The following LUZP2 variants were observed in gnomAD, a reference collection of about 807,000 sequenced individuals.
The protein encoded by LUZP2 is leucine zipper protein 2.
Under a neutral mutation model 51.6 loss-of-function variants are expected in LUZP2, and 52 were observed. The observed-to-expected ratio is 1.01, with a 90% CI of 0.81 to 1.27. LUZP2 has a LOEUF of 1.27. Ranked by LOEUF, LUZP2 falls within the 50% of genes most tolerant of loss-of-function variation. The pLI is 0.00. For missense variants in LUZP2, 436 were observed against 395.4 expected, an observed-to-expected ratio of 1.10 and a Z score of -0.87; for synonymous variants, 154 against 137.3, an observed-to-expected ratio of 1.12 and a Z score of -0.85.
intron 1 of LUZP2, among the ~76,000 whole-genome samples, chr11:24,592,034 G>A (rs1460026715): frequency 6.6e-6 from 1 of 152,164 alleles, no homozygotes. Context: ...TTGGGGAAAA[G>A]GAACTGTGCA....
intron 5 of LUZP2, among the ~76,000 whole-genome samples, chr11:24,765,139 A>G (rs1860133364): frequency 6.6e-6 from 1 of 152,222 alleles, no homozygotes; most frequent in Admixed American, 6.5e-5. Context: ...TTACTCCTTT[A>G]TATCAAATTA....
chr11:24,581,950 A>C (rs1258682126), intron 1 of LUZP2, among the ~76,000 whole-genome samples: 1 of 151,922 alleles, frequency 6.6e-6, no homozygotes, highest in African/African-American at 2.4e-5. Flanking sequence ...CTTGACTCCA[A>C]AGCCCACATT....
chr11:24,597,433 A>G (rs12293085), intron 1 of LUZP2, among the ~76,000 whole-genome samples: 2,170 of 152,276 alleles, frequency 0.014, 58 homozygotes, highest in African/African-American at 0.05. Context: ...CGTACAGCCT[A>G]TACATTCAAA....
intron 9 of LUZP2, among the ~76,000 whole-genome samples, chr11:25,026,858 AT>A (rs1456988536): frequency 1.4e-5 from 2 of 146,214 alleles, no homozygotes; most frequent in African/African-American, 5.2e-5. Flanking sequence ...TATTTTTTTT[AT>A]TTTTTTAATT....
chr11:25,014,867 G>A (rs1358779501), intron 9 of LUZP2, among the ~76,000 whole-genome samples: 1 of 121,314 alleles, frequency 8.2e-6, no homozygotes, highest in African/African-American at 2.5e-5. Flanking sequence ...TTTCTTCTAG[G>A]GTTTTTATGG....
At chr11:24,687,670 C>T (rs966563935) in intron 1 of LUZP2, among the ~76,000 whole-genome samples, 2 of 152,112 alleles carry the variant, frequency 1.3e-5, no homozygotes, top group African/African-American at 4.8e-5. Context: ...GTAATTGTGC[C>T]AGTTTAGTCT....
At chr11:24,666,069 A>T (rs1248584515) in intron 1 of LUZP2, among the ~76,000 whole-genome samples, 1 of 152,186 alleles carries the variant, frequency 6.6e-6, no homozygotes, top group Non-Finnish European at 1.5e-5. Flanking sequence ...ATTATTTACC[A>T]GAAGAATTTT....
chr11:24,997,084 T>C (rs1856525988), intron 9 of LUZP2, among the ~76,000 whole-genome samples: 1 of 150,344 alleles, frequency 6.7e-6, no homozygotes, highest in Non-Finnish European at 1.5e-5. Flanking sequence ...AACATACGTG[T>C]GCATGTGTCT....
intron 6 of LUZP2, among the ~76,000 whole-genome samples, chr11:24,913,336 A>G (rs1409705857): frequency 1.3e-5 from 2 of 152,150 alleles, no homozygotes; most frequent in Non-Finnish European, 2.9e-5. Flanking sequence ...GTTGTTCTAT[A>G]ATTCAGTACT....
intron 1 of LUZP2, among the ~76,000 whole-genome samples, chr11:24,707,203 C>T (rs1213496106): frequency 6.6e-6 from 1 of 151,760 alleles, no homozygotes; most frequent in Non-Finnish European, 1.5e-5. Flanking sequence ...ATTATGCAGC[C>T]TAAGTCACAG....
At chr11:24,526,840 C>T (rs975612988) in intron 1 of LUZP2, among the ~76,000 whole-genome samples, 3 of 151,214 alleles carry the variant, frequency 2.0e-5, no homozygotes, top group African/African-American at 7.3e-5. Flanking sequence ...AGAGTTTACT[C>T]TGTCCCATTG....
chr11:25,002,835 AC>A (rs1356368151), intron 9 of LUZP2, among the ~76,000 whole-genome samples: 3 of 151,980 alleles, frequency 2.0e-5, no homozygotes, highest in Admixed American at 2.0e-4. Flanking sequence ...GCTATTTCTG[AC>A]CCTGGTTCCC....
intron 1 of LUZP2, among the ~76,000 whole-genome samples, chr11:24,646,302 A>G (rs747493623): frequency 6.6e-6 from 1 of 152,104 alleles, no homozygotes; most frequent in Admixed American, 6.6e-5. Flanking sequence ...AATGCTTATA[A>G]CAGTTTTATT....
intron 1 of LUZP2, among the ~76,000 whole-genome samples, chr11:24,690,388 A>G (rs993165933): frequency 3.9e-5 from 6 of 152,138 alleles, no homozygotes; most frequent in Non-Finnish European, 7.4e-5. Context: ...AAAAGCTCAT[A>G]GAAGGTGATT....
intron 1 of LUZP2, among the ~76,000 whole-genome samples, chr11:24,522,691 C>T (rs1850680868): frequency 6.6e-6 from 1 of 151,946 alleles, no homozygotes; most frequent in Non-Finnish European, 1.5e-5. Flanking sequence ...TTATATAATC[C>T]ACTCGGAAAG....
At chr11:24,518,633 T>G (rs564002472) in intron 1 of LUZP2, among the ~76,000 whole-genome samples, 1 of 152,282 alleles carries the variant, frequency 6.6e-6, no homozygotes, top group Non-Finnish European at 1.5e-5. Context: ...TTATGCACAT[T>G]TATTAGGGTT....
At chr11:24,664,893 G>T (rs75259209) in intron 1 of LUZP2, among the ~76,000 whole-genome samples, 1 of 152,180 alleles carries the variant, frequency 6.6e-6, no homozygotes, top group Non-Finnish European at 1.5e-5. Context: ...GGGCAGTGCA[G>T]AAGGGAAATA....
chr11:24,754,862 C>G (rs1590457028), intron 4 of LUZP2, among the ~76,000 whole-genome samples: 1 of 152,204 alleles, frequency 6.6e-6, no homozygotes, highest in Admixed American at 6.5e-5. Flanking sequence ...ACCAAAGACA[C>G]TGGCTGGGCT....
chr11:24,971,209 A>T (rs1467380418), intron 7 of LUZP2, among the ~76,000 whole-genome samples: 8 of 152,098 alleles, frequency 5.3e-5, no homozygotes, highest in Non-Finnish European at 2.9e-5. Flanking sequence ...TTTTCCACGT[A>T]CCTGAGATGG....
Sources: gnomAD v4.1 joint callset for allele counts (sites outside exome capture counted in the v4.1 genomes callset) on GRCh38, gnomAD v4.1.1 for gene constraint, MANE v1.5 for transcripts, NCBI Gene and HGNC (gene_info 2026-07-23, HGNC 2026-07-21) for gene names.